The following ZNF704 variants were observed in gnomAD, a reference collection of about 807,000 sequenced individuals.
The protein encoded by ZNF704 is glucocorticoid induced gene 1.
ZNF704 carries 10 observed loss-of-function variants against 44.7 expected under a neutral mutation model. The ratio of observed to expected loss-of-function variants is 0.22; its 90% CI spans 0.14 to 0.38. The LOEUF is 0.38. ZNF704 is among the 10% of genes least tolerant of loss of function. The pLI is 1.00. For missense variants in ZNF704, 390 were observed against 545.5 expected (o/e 0.71, Z 2.84); for synonymous variants, 211 against 207.6 (o/e 1.02, Z -0.14).
intron 2 of ZNF704, among the ~76,000 whole-genome samples, chr8:80,704,723 G>A (rs1173294510): frequency 6.6e-6 from 1 of 152,224 alleles, no homozygotes; most frequent in East Asian, 1.9e-4. Context: ...GACAAGTGGA[G>A]GTTCCCAGGG....
chr8:80,865,246 T>TA (rs1334145129), intron 1 of ZNF704, among the ~76,000 whole-genome samples: 3 of 152,088 alleles, frequency 2.0e-5, no homozygotes, highest in East Asian at 1.9e-4. Context: ...TGGGCCATAT[T>TA]AAAAAAACGA....
chr8:80,868,539 C>G (rs1809196145), intron 1 of ZNF704, among the ~76,000 whole-genome samples: 2 of 152,232 alleles, frequency 1.3e-5, no homozygotes, highest in Non-Finnish European at 2.9e-5. Context: ...TGGCCACATA[C>G]TGGAGTGTGA....
chr8:80,756,782 G>C (rs991069608), intron 2 of ZNF704, among the ~76,000 whole-genome samples: 2 of 152,206 alleles, frequency 1.3e-5, no homozygotes, highest in African/African-American at 4.8e-5. Context: ...CATTCACCAA[G>C]TGATGATTTA....
At chr8:80,746,428 G>A (rs935059406) in intron 2 of ZNF704, among the ~76,000 whole-genome samples, 2 of 152,098 alleles carry the variant, frequency 1.3e-5, no homozygotes, top group African/African-American at 2.4e-5. Flanking sequence ...GACCTACTCT[G>A]TGCAAAGCAC....
intron 2 of ZNF704, among the ~76,000 whole-genome samples, chr8:80,817,465 C>T (rs1808195335): frequency 1.3e-5 from 2 of 152,216 alleles, no homozygotes; most frequent in Admixed American, 1.3e-4. Context: ...TCCATCACTG[C>T]GCTCAGACTA....
At chr8:80,773,494 A>T (rs918016753) in intron 2 of ZNF704, among the ~76,000 whole-genome samples, 1 of 152,180 alleles carries the variant, frequency 6.6e-6, no homozygotes, top group Non-Finnish European at 1.5e-5. Flanking sequence ...TCAACCATCA[A>T]ACATAATTTA....
intron 2 of ZNF704, among the ~76,000 whole-genome samples, chr8:80,772,538 G>A (rs1227617948): frequency 2.6e-5 from 4 of 151,980 alleles, no homozygotes; most frequent in South Asian, 2.1e-4. Context: ...GGTGTTACAC[G>A]CTTTTAAACA....
chr8:80,747,577 C>G (rs1409949414), intron 2 of ZNF704, among the ~76,000 whole-genome samples: 1 of 152,178 alleles, frequency 6.6e-6, no homozygotes, highest in Non-Finnish European at 1.5e-5. Flanking sequence ...GAAATACAGA[C>G]TACATTCAGC....
rs1818069074 is a variant in ZNF704, at chr8:80,659,651, G to T, written c.966C>A (p.Phe322Leu). The T allele has an allele frequency of 6.2e-7, 1 of 1,614,010 alleles. No individual in the cohort carries two copies. Among genetic ancestry groups the T allele is most frequent in the Non-Finnish European group, 8.5e-7 (1 of 1,179,948 alleles). The change falls in exon 7 of 9, where the codon TTC becomes TTA. Residue 322 changes from phenylalanine to leucine, a missense_variant. Phe to Leu is a conservative substitution (Grantham distance 22, BLOSUM62 0). Transcript: ENST00000327835. ...TGCTGAAGCTGCTGCCATTGGGGGTGAACTTGGCCGATCCTGGAATGGTCA... is the reference window on the plus strand; with the variant it reads ...TGCTGAAGCTGCTGCCATTGGGGGTTAACTTGGCCGATCCTGGAATGGTCA... Reference protein sequence around the residue: ...PPVTIPGSAKFTPNGSSFSIS... With the variant: ...PPVTIPGSAKLTPNGSSFSIS...
intron 2 of ZNF704, among the ~76,000 whole-genome samples, chr8:80,750,341 T>A (rs972669353): frequency 7.8e-6 from 1 of 128,418 alleles, no homozygotes; most frequent in African/African-American, 3.0e-5. Context: ...AATTCTGAAT[T>A]TCCTGGTAGC....
intron 2 of ZNF704, among the ~76,000 whole-genome samples, chr8:80,781,953 A>G (rs1807530682): frequency 6.6e-6 from 1 of 152,238 alleles, no homozygotes; most frequent in Non-Finnish European, 1.5e-5. Context: ...ATGTATAGGA[A>G]TAGTCCTTCA....
chr8:80,870,788 G>A (rs1170668610), intron 1 of ZNF704, among the ~76,000 whole-genome samples: 3 of 151,814 alleles, frequency 2.0e-5, no homozygotes, highest in Non-Finnish European at 2.9e-5. Flanking sequence ...TACTGATGTC[G>A]CTCAAATTCC....
intron 7 of ZNF704, among the ~76,000 whole-genome samples, chr8:80,650,866 AG>A (rs1190159188): frequency 6.6e-6 from 1 of 152,238 alleles, no homozygotes; most frequent in Non-Finnish European, 1.5e-5. Flanking sequence ...CATAATTGTC[AG>A]ATTCACCAAA....
In ZNF704 at chr8:80,641,207, T is replaced by G; in HGVS notation, c.*159A>C. On this transcript the variant is annotated 3_prime_UTR_variant, in exon 9 of 9. Coordinates refer to ENST00000327835, the MANE Select transcript of ZNF704 (RefSeq NM_001033723.3). ...TGTCATAGGTGGTGACTTAAACAAT[T>G]TTTCTGTGTTTTTGCTGTTATTCCT... is the stretch of plus-strand genomic sequence containing the variant. The G allele has an allele frequency of 2.1e-6, 1 of 471,440 alleles. No individual in the cohort carries two copies. Among genetic ancestry groups the G allele is most frequent in the African/African-American group, 1.9e-5 (1 of 51,484 alleles). 29.2% of individuals were successfully genotyped at this position (471,440 alleles called of 1,614,324 possible).
At chr8:80,870,542 T>C (rs971762159) in intron 1 of ZNF704, among the ~76,000 whole-genome samples, 6 of 152,232 alleles carry the variant, frequency 3.9e-5, no homozygotes, top group Non-Finnish European at 5.9e-5. Context: ...CAGCATTCAA[T>C]ACAGTTCATT....
Position 80,837,683 on chromosome 8 carries a change from C to T in ZNF704, c.-21-16068G>A, listed in dbSNP as rs532421216. ...GAACAATCATGATAATAAACACCAA[C>T]TTTACTTCTTCCACATTTAGTTTAT... On this transcript the variant is annotated intron_variant, in intron 1 of 8. Transcript: ENST00000327835. Among the ~76,000 whole-genome samples the T allele has an allele frequency of 3.9e-5, 6 of 152,304 alleles. No individual in the cohort carries two copies. The South Asian group carries it at 1.0e-3, about 26-fold the overall frequency.
At chr8:80,874,960 G>A (rs998366961), upstream of ZNF704, among the ~76,000 whole-genome samples, 5 of 152,110 alleles carry the variant, frequency 3.3e-5, no homozygotes, top group Non-Finnish European at 5.9e-5. This position sits in a 1 kb window ranked among gnomAD's most constrained non-coding sequence, Gnocchi z 4.4. Flanking sequence ...TGAGTGTGTA[G>A]GTCTTTCAGC....
intron 4 of ZNF704, among the ~76,000 whole-genome samples, chr8:80,681,264 G>T (rs988258184): frequency 1.3e-5 from 2 of 152,094 alleles, no homozygotes; most frequent in Non-Finnish European, 2.9e-5. Flanking sequence ...GGGTCATATG[G>T]TAAGTGTATA....
chr8:80,648,485 G>A (rs1428246741), intron 7 of ZNF704, among the ~76,000 whole-genome samples: 1 of 152,108 alleles, frequency 6.6e-6, no homozygotes. Context: ...GAGTAACTGG[G>A]GCAGTCAACT....
Sources: gnomAD v4.1 joint callset for allele counts (sites outside exome capture counted in the v4.1 genomes callset) on GRCh38, gnomAD v4.1.1 for gene constraint, Gnocchi (gnomAD v3.1) non-coding constraint, MANE v1.5 for transcripts, NCBI Gene and HGNC (gene_info 2026-07-23, HGNC 2026-07-21) for gene names.